The following LGSN variants were observed in gnomAD, a reference collection of about 807,000 sequenced individuals.
LGSN encodes the protein lengsin.
A neutral mutation model predicts 19.5 loss-of-function variants in LGSN; 21 were observed. The ratio of observed to expected loss-of-function variants is 1.07; its 90% CI spans 0.76 to 1.55. The LOEUF is 1.55. Among genes scored for constraint, LGSN ranks in the 40% most tolerant of loss-of-function variants. LGSN has a pLI of 0.00. For synonymous variants in LGSN, 257 were observed against 215.6 expected (o/e 1.19, Z -1.68); for missense variants, 673 against 608.5 (o/e 1.11, Z -1.12).
At chr6:63,443,158 C>T in the LGSN span, among the ~76,000 whole-genome samples, 4 of 152,228 alleles carry the variant, frequency 2.6e-5, no homozygotes, top group Non-Finnish European at 5.9e-5. Context: ...CTGGGGGACC[C>T]GGTGCCCCCT....
chr6:63,393,994 G>A, the LGSN span, among the ~76,000 whole-genome samples: 19 of 152,142 alleles, frequency 1.2e-4, no homozygotes, highest in Admixed American at 7.2e-4. Flanking sequence ...GCAACTGGGC[G>A]CGGTGGCTCA....
the LGSN span, among the ~76,000 whole-genome samples, chr6:63,515,952 A>T: frequency 1.3e-5 from 2 of 152,232 alleles, no homozygotes; most frequent in African/African-American, 4.8e-5. Flanking sequence ...AGTCTGATTT[A>T]TTCTAAGATG....
At chr6:63,368,590 C>A in the LGSN span, among the ~76,000 whole-genome samples, 15 of 152,330 alleles carry the variant, frequency 9.8e-5, no homozygotes, top group Admixed American at 2.0e-4. Context: ...GCTCCTCCCC[C>A]CACTCCACAC....
the LGSN span, among the ~76,000 whole-genome samples, chr6:63,546,630 A>G: frequency 6.6e-6 from 1 of 152,032 alleles, no homozygotes; most frequent in Admixed American, 6.6e-5. Flanking sequence ...CGCTCAAACC[A>G]GGGAGGCAGA....
At chr6:63,361,078 C>A in the LGSN span, among the ~76,000 whole-genome samples, 2 of 152,234 alleles carry the variant, frequency 1.3e-5, no homozygotes, top group African/African-American at 4.8e-5. Context: ...TGGGGGGTGC[C>A]TCCCAGTTAG....
At chr6:63,530,050 T>G in the LGSN span, among the ~76,000 whole-genome samples, 4 of 152,166 alleles carry the variant, frequency 2.6e-5, no homozygotes, top group African/African-American at 9.7e-5. Context: ...GAAGATTAAC[T>G]GTTTCTCGAG....
At chr6:63,505,742 C>T in the LGSN span, among the ~76,000 whole-genome samples, 1 of 152,118 alleles carries the variant, frequency 6.6e-6, no homozygotes, top group Admixed American at 6.6e-5. Context: ...TCACTGCAAC[C>T]TCTTCCTTCC....
chr6:63,290,879 C>T (rs753942369), intron 2 of LGSN, among the ~76,000 whole-genome samples: 1 of 152,160 alleles, frequency 6.6e-6, no homozygotes, highest in African/African-American at 2.4e-5. Flanking sequence ...TGACCAGAAC[C>T]ACTCCCTATG....
the LGSN span, among the ~76,000 whole-genome samples, chr6:63,432,081 AAAAGAAGGAAAGAAAG>A: frequency 2.4e-5 from 3 of 127,608 alleles, no homozygotes; most frequent in African/African-American, 5.8e-5. Flanking sequence ...TCTCGAAAGA[AAAAGAAGGAAAGAAAG>A]AAAGAAAGAA....
the LGSN span, among the ~76,000 whole-genome samples, chr6:63,434,575 A>G: frequency 0.1 from 15,440 of 147,458 alleles, 1,695 homozygotes; most frequent in African/African-American, 0.28. Context: ...CCTGGCCAAC[A>G]TGGTGAAACC....
the LGSN span, among the ~76,000 whole-genome samples, chr6:63,399,640 C>T: frequency 6.6e-6 from 1 of 151,726 alleles, no homozygotes; most frequent in African/African-American, 2.4e-5. Flanking sequence ...AGATGATCCA[C>T]CCGCCTCGGC....
At chr6:63,525,070 A>G in the LGSN span, among the ~76,000 whole-genome samples, 1 of 152,228 alleles carries the variant, frequency 6.6e-6, no homozygotes, top group Non-Finnish European at 1.5e-5. Context: ...GCATTTCTGA[A>G]AGGGTGTTTA....
chr6:63,383,690 C>G, the LGSN span, among the ~76,000 whole-genome samples: 1 of 152,058 alleles, frequency 6.6e-6, no homozygotes, highest in Non-Finnish European at 1.5e-5. Flanking sequence ...TAACTATACA[C>G]TATAATAGTT....
the LGSN span, among the ~76,000 whole-genome samples, chr6:63,506,250 G>T: frequency 1.9e-5 from 2 of 103,040 alleles, no homozygotes; most frequent in African/African-American, 1.2e-4. Context: ...GTTGGTGGTG[G>T]TGGTGTTGTT....
chr6:63,412,980 C>A, the LGSN span, among the ~76,000 whole-genome samples: 1 of 151,658 alleles, frequency 6.6e-6, no homozygotes, highest in Non-Finnish European at 1.5e-5. Context: ...GAAATGAGGG[C>A]AAGTTAGAAA....
the LGSN span, among the ~76,000 whole-genome samples, chr6:63,565,189 T>TG: frequency 6.6e-6 from 1 of 152,130 alleles, no homozygotes; most frequent in Non-Finnish European, 1.5e-5. Flanking sequence ...ATTTTTTTTT[T>TG]TTTGTAGAGA....
At chr6:63,557,520 C>T in the LGSN span, among the ~76,000 whole-genome samples, 3 of 152,080 alleles carry the variant, frequency 2.0e-5, no homozygotes, top group Non-Finnish European at 2.9e-5. Context: ...GAGTCGAGAT[C>T]GCACCACTAC....
chr6:63,508,996 A>C, the LGSN span, among the ~76,000 whole-genome samples: 1 of 151,608 alleles, frequency 6.6e-6, no homozygotes, highest in Non-Finnish European at 1.5e-5. Context: ...TCACCTTATA[A>C]TAATTATTTA....
the LGSN span, among the ~76,000 whole-genome samples, chr6:63,440,086 A>C: frequency 6.6e-6 from 1 of 152,194 alleles, no homozygotes; most frequent in South Asian, 2.1e-4. Flanking sequence ...CTAAGTCCTC[A>C]TGGAGTTCAG....
Sources: allele counts gnomAD v4.1 joint callset (sites outside exome capture counted in the v4.1 genomes callset), GRCh38; gene constraint gnomAD v4.1.1; transcripts MANE v1.5; gene names NCBI Gene and HGNC (gene_info 2026-07-23, HGNC 2026-07-21).